MPDZ: variants seen among roughly 807,000 people sequenced by gnomAD.
MPDZ encodes multiple PDZ domain protein.
MPDZ carries 234 observed loss-of-function variants against 239.1 expected under a neutral mutation model. That is an observed-to-expected ratio of 0.98 (90% confidence interval 0.88 to 1.09). The LOEUF is 1.09. Among genes scored for constraint, MPDZ ranks in the 50% least tolerant of loss-of-function variants. The probability of loss-of-function intolerance (pLI) is 0.00; values close to 1 mark genes in which losing one functional copy is unlikely to be tolerated. For synonymous variants in MPDZ, 1,048 were observed against 881.3 expected (o/e 1.19, Z -3.35); for missense variants, 3,175 against 2,510.0 (o/e 1.26, Z -5.66).
Position 13,122,089 on chromosome 9 carries a change from C to G in MPDZ, c.5035G>C (p.Glu1679Gln). Residue 1679 changes from glutamate to glutamine, a missense_variant and splice_region_variant, in exon 37 of 47, where the codon GAG becomes CAG. Transcript: ENST00000319217. ...GGTCAAAAACAGGCATTCTATACCT[C>G]TAAGATCTGATCTCCAGCCCAGAGT... ...GRLWAGDQIL[E>Q]VNGIDLRKAT... 4 of 1,613,892 alleles carry G rather than the reference C, an allele frequency of 2.5e-6. No individual in the cohort carries two copies. Among genetic ancestry groups the G allele is most frequent in the Non-Finnish European group, 3.4e-6 (4 of 1,179,832 alleles).
intron 21 of MPDZ, among the ~76,000 whole-genome samples, chr9:13,174,503 T>C (rs1006509144): frequency 6.6e-6 from 1 of 152,156 alleles, no homozygotes; most frequent in Non-Finnish European, 1.5e-5. Flanking sequence ...CTCTTAGTGA[T>C]TCACAATGCA....
At position 13,136,705 on chromosome 9, in the gene MPDZ, TG is replaced by T; in HGVS notation, c.4292+6del. 6.6e-7 allele frequency: 1 copy of T among 1,520,336 alleles called. No individual in the cohort carries two copies. Among genetic ancestry groups the T allele is most frequent in the Non-Finnish European group, 9.0e-7 (1 of 1,107,596 alleles). 94.2% of individuals were successfully genotyped at this position (1,520,336 alleles called of 1,614,324 possible). ...TATTTGGTAAACTAGCAAAAGAAAA[TG>T]ATCACCTGATAAAAATTATTTTCAC... is the stretch of plus-strand genomic sequence containing the variant. On this transcript the variant is annotated splice_donor_region_variant and intron_variant, in intron 30 of 46. Transcript: ENST00000319217.
intron 1 of MPDZ, among the ~76,000 whole-genome samples, chr9:13,257,701 T>G (rs1413726669): frequency 6.6e-6 from 1 of 152,186 alleles, no homozygotes; most frequent in Non-Finnish European, 1.5e-5. Context: ...TACTTTGCAC[T>G]GCATTACTTT....
chr9:13,193,127 G>C, intron 14 of MPDZ, 40 bp downstream of exon 14: 3 of 1,426,030 alleles, frequency 2.1e-6, no homozygotes, highest in South Asian at 1.8e-5. Flanking sequence ...GCTTTTCCAT[G>C]TCTTATTTAA....
chr9:13,179,845 C>T (rs945284347), intron 19 of MPDZ, among the ~76,000 whole-genome samples: 14 of 152,078 alleles, frequency 9.2e-5, no homozygotes, highest in African/African-American at 3.4e-4. Context: ...AATATATTTA[C>T]AAAAACTAAC....
At chr9:13,272,679 A>G (rs1356653063) in intron 1 of MPDZ, among the ~76,000 whole-genome samples, 1 of 147,168 alleles carries the variant, frequency 6.8e-6, no homozygotes, top group African/African-American at 2.5e-5. Context: ...CCAGGCTAAC[A>G]TGGTGAAACT....
At chr9:13,147,392 C>G (rs79886520) in intron 26 of MPDZ, among the ~76,000 whole-genome samples, 156 bp downstream of exon 26, 2,503 of 152,038 alleles carry the variant, frequency 0.016, 79 homozygotes, top group African/African-American at 0.057. Flanking sequence ...TCCAGGATAA[C>G]TCAATTTCTG....
At chr9:13,168,333 C>A (rs1251492738) in intron 22 of MPDZ, 33 bp downstream of exon 22, 2 of 1,581,284 alleles carry the variant, frequency 1.3e-6, no homozygotes, top group Non-Finnish European at 1.7e-6. Flanking sequence ...TCCTGAATTT[C>A]CCAAGTTAAA....
chr9:13,168,288 G>T lies in MPDZ; in HGVS notation c.3254+78C>A. On this transcript the variant is annotated intron_variant, in intron 22 of 46. Coordinates refer to ENST00000319217, the MANE Select transcript of MPDZ (RefSeq NM_001378778.1). ...GATAACGTTTGCATCTCAAACAGAA[G>T]TGAATACTGAAAAAGAATTCTGATT... 3 of 1,338,190 alleles carry T rather than the reference G, an allele frequency of 2.2e-6. No individual in the cohort carries two copies. In the South Asian group the frequency reaches 3.7e-5, roughly 17 times the overall value. 82.9% of individuals were successfully genotyped at this position (1,338,190 alleles called of 1,614,324 possible).
At chr9:13,178,657 A>G (rs1272739679) in intron 19 of MPDZ, among the ~76,000 whole-genome samples, 2 of 152,178 alleles carry the variant, frequency 1.3e-5, no homozygotes, top group African/African-American at 4.8e-5. Flanking sequence ...CCAAGAGAAA[A>G]CTATCTTAAT....
At chr9:13,240,580 TAAAAAAAAAAAAAAAA>T (rs71331533) in intron 3 of MPDZ, among the ~76,000 whole-genome samples, 1 of 44,012 alleles carries the variant, frequency 2.3e-5, no homozygotes, top group African/African-American at 1.2e-4. Flanking sequence ...ATAATAAAAG[TAAAAAAAAAAAAAAAA>T]AAAAAAAAAA....
chr9:13,213,414 T>A (rs3780578), intron 10 of MPDZ, among the ~76,000 whole-genome samples: 37,809 of 151,378 alleles, frequency 0.25, 7,120 homozygotes, highest in East Asian at 0.5. Context: ...AACTACAAAA[T>A]AAAAATAGAT....
At chr9:13,184,375 A>G (rs1404046511) in intron 18 of MPDZ, among the ~76,000 whole-genome samples, 1 of 151,972 alleles carries the variant, frequency 6.6e-6, no homozygotes, top group African/African-American at 2.4e-5. Context: ...TGATACTACC[A>G]GCATTTTCTG....
chr9:13,120,934 G>A (rs1944249323), intron 38 of MPDZ, among the ~76,000 whole-genome samples: 1 of 152,154 alleles, frequency 6.6e-6, no homozygotes, highest in Non-Finnish European at 1.5e-5. Context: ...CACAAGTTTA[G>A]CTATCTGGTA....
intron 23 of MPDZ, among the ~76,000 whole-genome samples, chr9:13,160,429 G>A (rs1400063154): frequency 2.0e-5 from 3 of 152,076 alleles, no homozygotes; most frequent in South Asian, 4.1e-4. Flanking sequence ...GTCTGTGCTT[G>A]GAGGAAGCAC....
intron 15 of MPDZ, 40 bp downstream of exon 15, chr9:13,192,091 T>A (rs1053223685): frequency 1.4e-6 from 2 of 1,458,048 alleles, no homozygotes; most frequent in African/African-American, 2.8e-5. Flanking sequence ...AGCCTTTCCA[T>A]TATATATGTA....
chr9:13,135,425 T>C (rs1395350439), intron 31 of MPDZ: 1 of 152,220 alleles, frequency 6.6e-6, no homozygotes, highest in African/African-American at 2.4e-5. Context: ...CAGCTTTAGT[T>C]CAGGTCCTTG....
Position 13,219,571 on chromosome 9 carries a change from T to C in MPDZ, c.1074A>G (p.Thr358=), listed in dbSNP as rs13297480. The change falls in exon 8 of 47, where the codon ACA becomes ACG. Residue 358 remains threonine (T), a synonymous_variant. Transcript: ENST00000319217. ...CTTAACTACTTACCCGCAACTCTGG[T>C]GTTGAAGTTGGGGATGAGGAGAGGG... ...GITLSSSPTS[T]PELRVDASTQ... 221,358 of 1,611,318 alleles carry C rather than the reference T, an allele frequency of 0.14. 16,007 individuals are homozygous for C. Among genetic ancestry groups the C allele is most frequent in the Middle Eastern group, 0.2 (1,209 of 6,044 alleles).
chr9:13,129,130 A>G (rs752412965), intron 32 of MPDZ, among the ~76,000 whole-genome samples: 13 of 152,182 alleles, frequency 8.5e-5, no homozygotes, highest in Non-Finnish European at 1.8e-4. Context: ...CTACAAAAAC[A>G]ACTATATACA....
Sources: allele counts gnomAD v4.1 joint callset (sites outside exome capture counted in the v4.1 genomes callset), GRCh38; gene constraint gnomAD v4.1.1; transcripts MANE v1.5; gene names NCBI Gene and HGNC (gene_info 2026-07-23, HGNC 2026-07-21).